Variants in DGKK observed in about 807,000 individuals in gnomAD.
DGKK encodes diacylglycerol kinase kappa.
In DGKK, 35 loss-of-function variants were observed where a neutral mutation model predicts 92.2. That is an observed-to-expected ratio of 0.38 (90% CI 0.29 to 0.50). The LOEUF (loss-of-function observed/expected upper bound fraction) is 0.50, where lower values mean the gene tolerates loss of function less well. Among genes scored for constraint, DGKK ranks in the 20% least tolerant of loss-of-function variants. The pLI, the probability that DGKK is intolerant of heterozygous loss-of-function variation, is 0.92. For synonymous variants in DGKK, 368 were observed against 360.6 expected (o/e 1.02, Z -0.23); for missense variants, 910 against 992.2 (o/e 0.92, Z 1.11).
At chrX:50,406,926 G>A (rs1243455861) in intron 4 of DGKK, among the ~76,000 whole-genome samples, 1 of 111,677 alleles carries the variant, frequency 9.0e-6, no homozygotes, top group Non-Finnish European at 1.9e-5. Context: ...CTTTGGAACT[G>A]GGTAATGGGT....
chrX:50,391,171 G>T (rs1924683901), intron 11 of DGKK, among the ~76,000 whole-genome samples: 1 of 110,844 alleles, frequency 9.0e-6, no homozygotes, highest in African/African-American at 3.3e-5. Context: ...AGACTGGAAT[G>T]CATTGGCATG....
intron 1 of DGKK, among the ~76,000 whole-genome samples, chrX:50,443,610 T>C (rs1372152992): frequency 9.0e-6 from 1 of 110,988 alleles, no homozygotes; most frequent in African/African-American, 3.3e-5. Context: ...TGTTAGCATC[T>C]TGTATAACTA....
intron 7 of DGKK, among the ~76,000 whole-genome samples, chrX:50,401,916 G>T (rs1176920601): frequency 1.8e-5 from 2 of 111,812 alleles, no homozygotes; most frequent in African/African-American, 6.5e-5. Flanking sequence ...ATAGTTCTTT[G>T]TTATGAGAGG....
At chrX:50,460,925 AG>A (rs1311860217) in intron 1 of DGKK, among the ~76,000 whole-genome samples, 2 of 110,502 alleles carry the variant, frequency 1.8e-5, no homozygotes, top group African/African-American at 6.6e-5. Context: ...TATAGTTAAA[AG>A]TGACTCAGAA....
Position 50,452,751 on chromosome X carries a change from A to C in DGKK, c.645+17283T>G, listed in dbSNP as rs1926525309. On this transcript the variant is annotated intron_variant, in intron 1 of 27. Transcript: ENST00000611977. ...GGCTTTAAAATACCTTTGAGCCTAG[A>C]ATTTTAAAGTGCTTCCCAGATATTC... Among the ~76,000 whole-genome samples the C allele has an allele frequency of 2.7e-5, 3 of 112,140 alleles. No individual in the cohort carries two copies. In the Admixed American group the frequency reaches 2.8e-4, roughly 11 times the overall value.
At chrX:50,444,488 T>G (rs1926241416) in intron 1 of DGKK, among the ~76,000 whole-genome samples, 1 of 110,740 alleles carries the variant, frequency 9.0e-6, no homozygotes, top group Non-Finnish European at 1.9e-5. Context: ...GTTCCCCTCT[T>G]TTTGTCCATG....
chrX:50,430,764 T>C (rs2147140157), intron 1 of DGKK, among the ~76,000 whole-genome samples: 1 of 112,161 alleles, frequency 8.9e-6, no homozygotes, highest in Admixed American at 9.4e-5. Flanking sequence ...GCACAGGTAG[T>C]ATCTCTCTCT....
chrX:50,409,006 G>A (rs188833550), intron 4 of DGKK, among the ~76,000 whole-genome samples: 143 of 111,530 alleles, frequency 1.3e-3, no homozygotes, highest in African/African-American at 4.5e-3. Context: ...CCCCCTAAAG[G>A]ATATGTTCAA....
rs1924267241 is a variant in DGKK, at chrX:50,376,155, G to T, written c.3283C>A (p.Leu1095Met). The T allele has an allele frequency of 5.8e-6, 7 of 1,209,913 alleles. No homozygotes were observed. In the East Asian group the frequency reaches 1.8e-4, roughly 31 times the overall value. Residue 1095 changes from leucine (L) to methionine (M), a missense_variant, in exon 24 of 28, where the codon CTG becomes ATG. By Grantham distance (15) the Leu-to-Met change is conservative. Coordinates refer to ENST00000611977, the MANE Select transcript of DGKK (RefSeq NM_001013742.4). ...AENLISKLND[L>M]SKIHQHVSVL... ...GACACATGCTGGTGGATCTTGCTCAGGTCATTAAGTCTGTAATAAAGCAAG... is the reference window on the plus strand; with the variant it reads ...GACACATGCTGGTGGATCTTGCTCATGTCATTAAGTCTGTAATAAAGCAAG...
Position 50,391,493 on chromosome X carries a change from C to T in DGKK, c.1788G>A (p.Lys596=), listed in dbSNP as rs781830413. Residue 596 remains lysine (K), a synonymous_variant, in exon 11 of 28, where the codon AAG becomes AAA. Coordinates refer to ENST00000611977, the MANE Select transcript of DGKK (RefSeq NM_001013742.4). ...CTCTGTTGAGGATGTCCAGAGGTGACTTGCTTTTGTTCCAGAATGCACCCC... is the reference window on the plus strand; with the variant it reads ...CTCTGTTGAGGATGTCCAGAGGTGATTTGCTTTTGTTCCAGAATGCACCCC... The part of the protein sequence containing the change: ...LGWGAFWNKS[K]SPLDILNRVE... 24 of 1,209,847 alleles carry T rather than the reference C, an allele frequency of 2.0e-5. 1 individual carries two copies. Among genetic ancestry groups the T allele is most frequent in the Non-Finnish European group, 2.5e-5 (22 of 895,036 alleles).
intron 15 of DGKK, among the ~76,000 whole-genome samples, chrX:50,386,065 C>G (rs1198934239): frequency 9.0e-6 from 1 of 111,432 alleles, no homozygotes; most frequent in African/African-American, 3.3e-5. Flanking sequence ...GAGCTTTGAA[C>G]CAGGTCACTT....
Position 50,375,021 on chromosome X carries a change from T to C in DGKK, c.3451A>G (p.Ser1151Gly), listed in dbSNP as rs1557223666. The C allele has an allele frequency of 8.3e-7, 1 of 1,208,359 alleles. No individual in the cohort carries two copies. Among genetic ancestry groups the C allele is most frequent in the East Asian group, 3.0e-5 (1 of 33,736 alleles). The change falls in exon 25 of 28, where the codon AGT becomes GGT. Residue 1151 changes from serine to glycine, a missense_variant. Transcript: ENST00000611977. ...SRNDAVDVTFSLKGLYDDTTA... is the reference protein window; with the variant it reads ...SRNDAVDVTFGLKGLYDDTTA... ...GTGTCATCGTAGAGACCTTTAAGAC[T>C]AAATGTAACATCTACGGCATCATTT...
rs4074320 is a variant in DGKK, at chrX:50,376,086, C to T, written c.3352G>A (p.Asp1118Asn). ...SVNASANILN[D>N]IFYGQDSGNE... The stretch of plus-strand genomic sequence containing the variant: ...CCACTGTCTTGGCCGTAAAATATAT[C>T]ATTCAGGATGTTAGCGCTGGCATTC... The change falls in exon 24 of 28, where the codon GAT (aspartate) becomes AAT (asparagine). Residue 1118 changes from aspartate (D) to asparagine (N), a missense_variant. By Grantham distance (23) the Asp-to-Asn change is conservative (BLOSUM62 1). Coordinates refer to ENST00000611977, the MANE Select transcript of DGKK (RefSeq NM_001013742.4). 0.22 allele frequency: 266,086 copies of T among 1,208,182 alleles called. 22,247 individuals carry two copies. Among genetic ancestry groups the T allele is most frequent in the Admixed American group, 0.4 (18,131 of 45,445 alleles).
chrX:50,379,541 T>G (rs1436187033), intron 20 of DGKK, 86 bp downstream of exon 20: 3 of 788,583 alleles, frequency 3.8e-6, no homozygotes, highest in African/African-American at 2.0e-5. Context: ...TGTCTATTTT[T>G]CACTTCAGTT....
At chrX:50,400,102 G>C (rs1232342750) in intron 8 of DGKK, among the ~76,000 whole-genome samples, 1 of 111,594 alleles carries the variant, frequency 9.0e-6, no homozygotes, top group Non-Finnish European at 1.9e-5. Context: ...TTACAGATGG[G>C]GAAAGCAAAG....
chrX:50,455,880 C>T (rs1337178437), intron 1 of DGKK, among the ~76,000 whole-genome samples: 1 of 111,827 alleles, frequency 8.9e-6, no homozygotes, highest in Non-Finnish European at 1.9e-5. Flanking sequence ...TCTACACTCC[C>T]TTATTGTCAT....
intron 4 of DGKK, among the ~76,000 whole-genome samples, chrX:50,417,764 T>G (rs1488985972): frequency 9.0e-6 from 1 of 110,779 alleles, no homozygotes; most frequent in Non-Finnish European, 1.9e-5. Context: ...TTTTCCCTTG[T>G]CTAACCCATC....
intron 1 of DGKK, among the ~76,000 whole-genome samples, chrX:50,443,853 A>T (rs1557231495): frequency 1.8e-5 from 2 of 109,293 alleles, no homozygotes; most frequent in African/African-American, 3.3e-5. Context: ...AGCCACATCT[A>T]CTCCTTCTGC....
At chrX:50,404,216 G>A (rs1925084668) in intron 4 of DGKK, 32 bp from the exon 5 acceptor site, 1 of 1,183,542 alleles carries the variant, frequency 8.4e-7, no homozygotes, top group East Asian at 3.1e-5. Context: ...AGAGAATGGA[G>A]GATGAATCAC....
Sources: allele counts gnomAD v4.1 joint callset (sites outside exome capture counted in the v4.1 genomes callset), GRCh38; gene constraint gnomAD v4.1.1; transcripts MANE v1.5; gene names NCBI Gene and HGNC (gene_info 2026-07-23, HGNC 2026-07-21).